The following DSCAML1 variants were observed in gnomAD, a reference collection of about 807,000 sequenced individuals.
DSCAML1 encodes the protein DS cell adhesion molecule like 1.
A neutral mutation model predicts 200.5 loss-of-function variants in DSCAML1; 38 were observed. The ratio of observed to expected loss-of-function variants is 0.19; its 90% CI spans 0.15 to 0.25. DSCAML1 has a LOEUF of 0.25. Ranked by LOEUF, DSCAML1 falls within the 10% of genes least tolerant of loss-of-function variation. DSCAML1 has a pLI of 1.00. For missense variants in DSCAML1, 2,223 were observed against 2,858.8 expected (o/e 0.78, Z 5.07); for synonymous variants, 1,215 against 1,165.0 (o/e 1.04, Z -0.87).
At chr11:117,751,138 A>G (rs548204456) in intron 3 of DSCAML1, among the ~76,000 whole-genome samples, 1 of 152,098 alleles carries the variant, frequency 6.6e-6, no homozygotes, top group African/African-American at 2.4e-5. Flanking sequence ...GTTGGCACGG[A>G]CGTGACTCTG....
chr11:117,792,484 G>C (rs965482806), intron 1 of DSCAML1, among the ~76,000 whole-genome samples: 1 of 151,666 alleles, frequency 6.6e-6, no homozygotes, highest in East Asian at 1.9e-4. Flanking sequence ...TCCTCCCTCT[G>C]CCCCGCCATA....
chr11:117,521,404 A>G lies in DSCAML1; in HGVS notation c.939T>C (p.Asp313=). ...AEATGILMVI[D]PLHVTLTPKK... ...TTGGTGTCAGGGTCACATGAAGGGG[A>G]TCTGGGCCGGGCCAGGGAGACGTGA... Residue 313 remains aspartate (D), a splice_region_variant and synonymous_variant, in exon 6 of 33, where the codon GAT becomes GAC. Transcript: ENST00000651296. The G allele has an allele frequency of 6.2e-7, 1 of 1,611,654 alleles. No individual in the cohort carries two copies. Among genetic ancestry groups the G allele is most frequent in the Middle Eastern group, 1.7e-4 (1 of 6,050 alleles).
At chr11:117,740,038 T>G (rs1363150494) in intron 3 of DSCAML1, among the ~76,000 whole-genome samples, 1 of 152,124 alleles carries the variant, frequency 6.6e-6, no homozygotes, top group Non-Finnish European at 1.5e-5. Context: ...TGGGTAGAGA[T>G]TCCCAAAAGG....
upstream of DSCAML1, among the ~76,000 whole-genome samples, chr11:117,800,547 G>C (rs2055647909): frequency 6.6e-6 from 1 of 152,206 alleles, no homozygotes; most frequent in African/African-American, 2.4e-5. Context: ...TTCTGCATTG[G>C]CACCTATGCA....
Position 117,746,221 on chromosome 11 carries a change from C to CAAAAAAAAAAAAAAA in DSCAML1, c.511+30555_511+30569dup, listed in dbSNP as rs34362262. ...TGGGCATCAGAGCGAGACTCTGTCTCAAAAAAAAAAAAAAAAAAAAAAAAG... is the reference window on the plus strand; with the variant it reads ...TGGGCATCAGAGCGAGACTCTGTCTCAAAAAAAAAAAAAAAAAAAAAAAAAAAAAAAAAAAAAAAG... On this transcript the variant is annotated intron_variant, in intron 3 of 32. Coordinates refer to ENST00000651296, the MANE Select transcript of DSCAML1 (RefSeq NM_020693.4). Among the ~76,000 whole-genome samples, 2 of 66,822 alleles carry CAAAAAAAAAAAAAAA rather than the reference C, an allele frequency of 3.0e-5. 1 individual carries two copies. Among genetic ancestry groups the CAAAAAAAAAAAAAAA allele is most frequent in the Non-Finnish European group, 4.9e-5 (2 of 40,574 alleles). 43.8% of individuals were successfully genotyped at this position (66,822 alleles called of 152,430 possible).
chr11:117,450,580 A>G lies in DSCAML1; in HGVS notation c.3677T>C (p.Ile1226Thr), dbSNP rs372732596. The change falls in exon 20 of 33, where the codon ATC becomes ACC. Residue 1226 changes from isoleucine to threonine, a missense_variant. Coordinates refer to ENST00000651296, the MANE Select transcript of DSCAML1 (RefSeq NM_020693.4). ...KPNGVIRKYTIFCSSPGSGQP... is the reference protein window; with the variant it reads ...KPNGVIRKYTTFCSSPGSGQP... Reference sequence around the variant, plus strand: ...GCCAGACCCGGGGCTGGAACAGAAGATGGTGTACTTGCGGATCACCCCGTT... The same window carrying G: ...GCCAGACCCGGGGCTGGAACAGAAGGTGGTGTACTTGCGGATCACCCCGTT... 1 of 1,614,106 alleles carries G rather than the reference A, an allele frequency of 6.2e-7. No individual in the cohort carries two copies. The highest frequency in any genetic ancestry group is 1.3e-5 in the African/African-American group (1 of 74,938).
intron 4 of DSCAML1, among the ~76,000 whole-genome samples, chr11:117,528,524 G>A (rs565608763): frequency 6.6e-6 from 1 of 152,204 alleles, no homozygotes; most frequent in Non-Finnish European, 1.5e-5. Context: ...GTGCACTGGA[G>A]CTAGGCTAGG....
chr11:117,594,635 C>T (rs1349883825), intron 3 of DSCAML1, among the ~76,000 whole-genome samples: 2 of 152,228 alleles, frequency 1.3e-5, no homozygotes, highest in African/African-American at 4.8e-5. Flanking sequence ...ACCTGACATC[C>T]CGCAGACCTG....
chr11:117,584,475 T>C (rs1302704362), intron 3 of DSCAML1, among the ~76,000 whole-genome samples: 3 of 152,188 alleles, frequency 2.0e-5, no homozygotes, highest in African/African-American at 4.8e-5. Flanking sequence ...TGGCACCAGG[T>C]TTGCCCAAAT....
intron 3 of DSCAML1, among the ~76,000 whole-genome samples, chr11:117,570,589 T>G (rs1182764718): frequency 1.3e-5 from 2 of 152,214 alleles, no homozygotes; most frequent in African/African-American, 4.8e-5. Context: ...ACATTTTTGG[T>G]GACTGAGCAG....
Position 117,504,963 on chromosome 11 carries a change from C to T in DSCAML1, c.2143G>A (p.Gly715Ser), listed in dbSNP as rs1565746977. The change falls in exon 10 of 33, where the codon GGC becomes AGC. Residue 715 changes from glycine (G) to serine (S), a missense_variant. Gly to Ser is a moderately conservative substitution (Grantham distance 56). This residue lies in a region of DSCAML1 where 212 missense variants were observed against 368.0 expected (regional missense o/e 0.58). Coordinates refer to ENST00000651296, the MANE Select transcript of DSCAML1 (RefSeq NM_020693.4). This position sits in a 1 kb window ranked among gnomAD's most constrained non-coding sequence, Gnocchi z 5.0. ...CACATGACCTTGGGTGGGGGGTAGCCGTCCACCGAGCAGTTGAGCACACCA... is the reference window on the plus strand; with the variant it reads ...CACATGACCTTGGGTGGGGGGTAGCTGTCCACCGAGCAGTTGAGCACACCA... Reference protein sequence around the residue: ...KAGVLNCSVDGYPPPKVMWKH... With the variant: ...KAGVLNCSVDSYPPPKVMWKH... The T allele has an allele frequency of 3.7e-6, 6 of 1,611,326 alleles. No individual in the cohort carries two copies. Among genetic ancestry groups the T allele is most frequent in the Non-Finnish European group, 5.1e-6 (6 of 1,178,358 alleles).
At chr11:117,666,208 G>A (rs1447378542) in intron 3 of DSCAML1, among the ~76,000 whole-genome samples, 1 of 152,128 alleles carries the variant, frequency 6.6e-6, no homozygotes, top group Non-Finnish European at 1.5e-5. Flanking sequence ...CCTACCAGTG[G>A]ACCCTCGAGC....
chr11:117,628,646 T>C (rs1468895370), intron 3 of DSCAML1, among the ~76,000 whole-genome samples: 1 of 152,226 alleles, frequency 6.6e-6, no homozygotes, highest in Non-Finnish European at 1.5e-5. Context: ...TTGTTTATTC[T>C]TAAATGGGAG....
intron 1 of DSCAML1, among the ~76,000 whole-genome samples, chr11:117,793,645 C>T (rs954967564): frequency 6.6e-6 from 1 of 152,152 alleles, no homozygotes; most frequent in Non-Finnish European, 1.5e-5. Flanking sequence ...GCTTCCCTAC[C>T]AAGCTCTCCC....
intron 3 of DSCAML1, among the ~76,000 whole-genome samples, chr11:117,654,182 G>T (rs375659892): frequency 6.6e-6 from 1 of 152,190 alleles, no homozygotes; most frequent in South Asian, 2.1e-4. Context: ...GTTGCTTAGG[G>T]ACAGAGGTGG....
chr11:117,557,069 G>A (rs1385740242), intron 3 of DSCAML1, among the ~76,000 whole-genome samples: 1 of 152,128 alleles, frequency 6.6e-6, no homozygotes, highest in Non-Finnish European at 1.5e-5. Context: ...TTGGGTGAGG[G>A]ATCTTTCCAA....
intron 11 of DSCAML1, among the ~76,000 whole-genome samples, chr11:117,482,909 CTTGT>C (rs1323003710): frequency 1.3e-5 from 2 of 152,324 alleles, no homozygotes; most frequent in Non-Finnish European, 2.9e-5. Flanking sequence ...ATAGCTAAGG[CTTGT>C]TTATCTCCCT....
chr11:117,787,826 G>A (rs894295718), intron 1 of DSCAML1, among the ~76,000 whole-genome samples: 16 of 152,206 alleles, frequency 1.1e-4, no homozygotes, highest in Admixed American at 2.0e-4. Context: ...GTGAGCTGGA[G>A]AGGTTTCTTG....
At position 117,503,928 on chromosome 11, in the gene DSCAML1, T is replaced by C. The variant is rs1319275327; in HGVS notation, c.2276A>G (p.Glu759Gly). ...NSSLLIRHVL[E>G]EDIGYYLCQA... ...GCAGAGGTAGTAGCCGATGTCCTCT[T>C]CTAGGACGTGGCGGATCAGCAGCGA... Residue 759 changes from glutamate (E) to glycine (G), a missense_variant, in exon 11 of 33, where the codon GAA becomes GGA. Glu to Gly is a moderately conservative substitution (Grantham distance 98). Around this residue, in one of 7 missense-constraint regions of DSCAML1, gnomAD observed 212 missense variants for 368.0 expected, o/e 0.58. Transcript: ENST00000651296. The surrounding 1 kb of genome is among the most constrained non-coding windows in gnomAD (Gnocchi z 5.2). 1 of 1,614,126 alleles carries C rather than the reference T, an allele frequency of 6.2e-7. No homozygotes were observed. Among genetic ancestry groups the C allele is most frequent in the South Asian group, 1.1e-5 (1 of 91,070 alleles).
Sources: allele counts gnomAD v4.1 joint callset (sites outside exome capture counted in the v4.1 genomes callset), GRCh38; gene constraint gnomAD v4.1.1; regional missense constraint gnomAD v4.1.1; non-coding constraint Gnocchi (gnomAD v3.1); transcripts MANE v1.5; gene names NCBI Gene and HGNC (gene_info 2026-07-23, HGNC 2026-07-21).